The following ANO2 variants were observed in gnomAD, a reference collection of about 807,000 sequenced individuals.
ANO2 encodes anoctamin 2.
Under a neutral mutation model 124.2 loss-of-function variants are expected in ANO2, and 101 were observed. That is an observed-to-expected ratio of 0.81 (90% confidence interval 0.69 to 0.96). The LOEUF is 0.96. Among genes scored for constraint, ANO2 ranks in the 40% least tolerant of loss-of-function variants. The probability of loss-of-function intolerance (pLI) is 0.00; values close to 1 mark genes in which losing one functional copy is unlikely to be tolerated. For missense variants in ANO2, 1,293 were observed against 1,274.5 expected, an observed-to-expected ratio of 1.01 and a Z score of -0.22; for synonymous variants, 486 against 482.5, an observed-to-expected ratio of 1.01 and a Z score of -0.09.
intron 7 of ANO2, among the ~76,000 whole-genome samples, chr12:5,826,121 C>T (rs1953946052): frequency 6.6e-6 from 1 of 152,140 alleles, no homozygotes; most frequent in Non-Finnish European, 1.5e-5. Context: ...TTATTGACCT[C>T]ATATCAGCAT....
intron 7 of ANO2, among the ~76,000 whole-genome samples, chr12:5,819,075 C>A (rs1264053182): frequency 6.6e-6 from 1 of 152,138 alleles, no homozygotes; most frequent in Non-Finnish European, 1.5e-5. Context: ...GCATTCACAG[C>A]CTCTCCAGGT....
At position 5,855,513 on chromosome 12, in the gene ANO2, G is replaced by GTC. The variant is rs1159129635; in HGVS notation, c.535-1373_535-1372insGA. 8.5e-5 allele frequency among the ~76,000 whole-genome samples: 13 copies of GTC among 152,326 alleles called. No individual in the cohort carries two copies. In the East Asian group the frequency reaches 2.3e-3, roughly 27 times the overall value. On this transcript the variant is annotated intron_variant, in intron 3 of 24. Transcript: ENST00000682330. ...CTCATGACTTACAAGGCAGAAAAAT[G>GTC]AAGAATAAACCACGATTTCAAAAGG...
rs564770180 is a variant in ANO2, at chr12:5,637,595, T to C, written c.1621-2248A>G. Among the ~76,000 whole-genome samples, 18 of 152,226 alleles carry C rather than the reference T, an allele frequency of 1.2e-4. No homozygotes were observed. In the South Asian group the frequency reaches 3.3e-3, roughly 28 times the overall value. On this transcript the variant is annotated intron_variant, in intron 15 of 24. Transcript: ENST00000682330. ...GCATCAGCTGGAAGCTTGATTGAAA[T>C]GCGGAATCTCAAGCACAACTCCAGA...
chr12:5,917,703 G>A (rs1377989332), intron 3 of ANO2, among the ~76,000 whole-genome samples: 2 of 151,384 alleles, frequency 1.3e-5, no homozygotes, highest in Non-Finnish European at 1.5e-5. Flanking sequence ...GAGTAGCTGC[G>A]ACTACAGATG....
intron 16 of ANO2, among the ~76,000 whole-genome samples, chr12:5,626,737 G>C (rs1175427618): frequency 1.3e-5 from 2 of 152,218 alleles, no homozygotes; most frequent in African/African-American, 2.4e-5. Flanking sequence ...GAAGAACCAA[G>C]AGGGAGAATT....
chr12:5,639,939 A>G (rs954912477), intron 15 of ANO2, among the ~76,000 whole-genome samples: 6 of 152,152 alleles, frequency 3.9e-5, no homozygotes, highest in Admixed American at 3.9e-4. Context: ...GTGTAAGAAA[A>G]TGAGTATCTG....
intron 3 of ANO2, among the ~76,000 whole-genome samples, chr12:5,893,164 T>C (rs1939527044): frequency 6.6e-6 from 1 of 152,138 alleles, no homozygotes; most frequent in African/African-American, 2.4e-5. Flanking sequence ...AGAAAACTCT[T>C]CTGGACATTG....
intron 4 of ANO2, among the ~76,000 whole-genome samples, chr12:5,840,611 A>T (rs1212272512): frequency 6.6e-6 from 1 of 152,210 alleles, no homozygotes; most frequent in Non-Finnish European, 1.5e-5. Context: ...ACAGTATAAG[A>T]TAAAAACAAC....
chr12:5,607,054 G>T (rs1944254112), intron 19 of ANO2, among the ~76,000 whole-genome samples: 1 of 134,856 alleles, frequency 7.4e-6, no homozygotes, highest in Non-Finnish European at 1.6e-5. Flanking sequence ...CCCCAGACTT[G>T]CCTCTATTTA....
chr12:5,578,117 G>A, intron 21 of ANO2, 110 bp from the exon 22 acceptor site: 1 of 1,384,676 alleles, frequency 7.2e-7, no homozygotes, highest in Non-Finnish European at 1.0e-6. Flanking sequence ...CAGCTTTGCT[G>A]GGCCCCCCCA....
At chr12:5,677,083 C>T (rs1948279893) in intron 14 of ANO2, among the ~76,000 whole-genome samples, 1 of 150,710 alleles carries the variant, frequency 6.6e-6, no homozygotes, top group Admixed American at 6.6e-5. Flanking sequence ...AAGAAGGAAA[C>T]ATAGGAGCTT....
chr12:5,689,115 A>G (rs1948824894), intron 14 of ANO2, among the ~76,000 whole-genome samples: 1 of 152,164 alleles, frequency 6.6e-6, no homozygotes, highest in Admixed American at 6.5e-5. Flanking sequence ...ACAAATTGTG[A>G]GGTTACTAAA....
intron 12 of ANO2, chr12:5,740,085 C>T (rs1048268466): frequency 4.7e-6 from 2 of 421,192 alleles, no homozygotes; most frequent in African/African-American, 4.0e-5. Context: ...GACCAGCACG[C>T]CTTTCTCAGC....
rs980604205 is a variant in ANO2 at position 5,565,771 on chromosome 12, C to T, written c.2622-108G>A. 6 of 842,586 alleles carry T rather than the reference C, an allele frequency of 7.1e-6. No individual in the cohort carries two copies. The East Asian group carries it at 8.3e-5, about 12-fold the overall frequency. The allele number at this position is 842,586 out of a possible 1,614,324, so 52.2% of individuals were successfully genotyped here. A position where few individuals can be genotyped will look rare whatever the true frequency, so the allele number is the denominator to read the frequency against. ...GGCTGGAGCATCAGGCACGCATGCCCTTGGCATTGACTTGAGAAGCAGGGG... is the reference window on the plus strand; with the variant it reads ...GGCTGGAGCATCAGGCACGCATGCCTTTGGCATTGACTTGAGAAGCAGGGG... On this transcript the variant is annotated intron_variant, in intron 23 of 24. Transcript: ENST00000682330.
At chr12:5,698,968 G>T (rs1417260768) in intron 14 of ANO2, among the ~76,000 whole-genome samples, 1 of 152,184 alleles carries the variant, frequency 6.6e-6, no homozygotes, top group East Asian at 1.9e-4. Context: ...ACATCTGATT[G>T]GTGTACCTGA....
intron 15 of ANO2, among the ~76,000 whole-genome samples, chr12:5,639,170 G>A (rs1422237846): frequency 6.6e-6 from 1 of 152,158 alleles, no homozygotes; most frequent in Non-Finnish European, 1.5e-5. Flanking sequence ...AAGGGAAGAG[G>A]GGCAAGTAGC....
At chr12:5,693,516 C>T (rs755678128) in intron 14 of ANO2, among the ~76,000 whole-genome samples, 5 of 152,174 alleles carry the variant, frequency 3.3e-5, no homozygotes, top group Admixed American at 6.5e-5. Flanking sequence ...CCCGCCCCCA[C>T]GGTCTAGTCT....
At chr12:5,760,662 C>T (rs545111735) in intron 10 of ANO2, among the ~76,000 whole-genome samples, 24 of 152,090 alleles carry the variant, frequency 1.6e-4, no homozygotes, top group Non-Finnish European at 2.9e-4. Context: ...TTCTAACCTC[C>T]CTTTATCTCC....
chr12:5,935,035 G>T (rs185405590), intron 1 of ANO2, among the ~76,000 whole-genome samples: 2 of 152,258 alleles, frequency 1.3e-5, no homozygotes, highest in East Asian at 3.9e-4. Context: ...AGACATGAGG[G>T]ATAGGAACAA....
Sources: allele counts gnomAD v4.1 joint callset (sites outside exome capture counted in the v4.1 genomes callset), GRCh38; gene constraint gnomAD v4.1.1; transcripts MANE v1.5; gene names NCBI Gene and HGNC (gene_info 2026-07-23, HGNC 2026-07-21).